Variants in TTC29 observed in about 807,000 individuals in gnomAD.
The protein encoded by TTC29 is tetratricopeptide repeat protein 29.
Under a neutral mutation model 58.1 loss-of-function variants are expected in TTC29, and 49 were observed. That is an observed-to-expected ratio of 0.84 (90% CI 0.67 to 1.07). TTC29 has a LOEUF of 1.07. Ranked by LOEUF, TTC29 falls within the 50% of genes least tolerant of loss-of-function variation. The pLI is 0.00. For missense variants in TTC29, 582 were observed against 555.6 expected (o/e 1.05, Z -0.48); for synonymous variants, 209 against 196.8 (o/e 1.06, Z -0.52).
chr4:146,748,248 C>A (rs1300250296), intron 11 of TTC29, among the ~76,000 whole-genome samples: 2 of 152,196 alleles, frequency 1.3e-5, no homozygotes, highest in East Asian at 1.9e-4. Context: ...AGAACCACAG[C>A]TAACATCCCA....
At chr4:146,842,250 A>G (rs531304450) in intron 8 of TTC29, among the ~76,000 whole-genome samples, 2 of 152,212 alleles carry the variant, frequency 1.3e-5, no homozygotes, top group East Asian at 3.9e-4. Flanking sequence ...TTTCCTAGTG[A>G]GGCTAGCCAT....
chr4:146,874,357 T>A (rs1480708898), intron 7 of TTC29, among the ~76,000 whole-genome samples: 1 of 152,250 alleles, frequency 6.6e-6, no homozygotes, highest in African/African-American at 2.4e-5. Flanking sequence ...TTACAAACAA[T>A]GAAAGGTCTC....
intron 10 of TTC29, chr4:146,813,046 C>T (rs946859338): frequency 6.6e-6 from 1 of 152,176 alleles, no homozygotes; most frequent in African/African-American, 2.4e-5. Flanking sequence ...AATTCCAGGA[C>T]AGGATCTTGA....
chr4:146,735,502 G>A (rs1256100805), intron 11 of TTC29, among the ~76,000 whole-genome samples: 1 of 152,180 alleles, frequency 6.6e-6, no homozygotes, highest in East Asian at 1.9e-4. Context: ...AAACACACAG[G>A]AGGTTATTCT....
At chr4:146,935,502 T>C (rs2150326866) in intron 4 of TTC29, among the ~76,000 whole-genome samples, 1 of 152,346 alleles carries the variant, frequency 6.6e-6, no homozygotes, top group East Asian at 1.9e-4. Context: ...TGACTACCAG[T>C]TAGATAATTT....
chr4:146,871,431 C>G (rs1579875062), intron 7 of TTC29, among the ~76,000 whole-genome samples: 1 of 151,714 alleles, frequency 6.6e-6, no homozygotes, highest in Non-Finnish European at 1.5e-5. Context: ...ATAAATTAGG[C>G]AAGAAAAGAT....
intron 8 of TTC29, among the ~76,000 whole-genome samples, chr4:146,839,535 C>CGTGTGTGTGTGT (rs5862775): frequency 2.8e-4 from 39 of 140,560 alleles, no homozygotes; most frequent in Middle Eastern, 3.6e-3. Context: ...TACATGAACT[C>CGTGTGTGTGTGT]GTGTGTGTGT....
intron 9 of TTC29, among the ~76,000 whole-genome samples, chr4:146,821,081 AAT>A (rs1314965358): frequency 3.3e-5 from 5 of 152,168 alleles, no homozygotes; most frequent in African/African-American, 1.2e-4. Flanking sequence ...GAAACTTGAA[AAT>A]ATGCTAAGTG....
rs1466068204 is a variant in TTC29 at position 146,728,838 on chromosome 4, CAT to C, written c.1331-21289_1331-21288del. Among the ~76,000 whole-genome samples the C allele has an allele frequency of 4.5e-5, 4 of 89,218 alleles. 1 individual carries two copies. Among genetic ancestry groups the C allele is most frequent in the Non-Finnish European group, 8.8e-5 (4 of 45,496 alleles). 58.5% of individuals were successfully genotyped at this position (89,218 alleles called of 152,430 possible). ...ATGTGTATATATACATATATATACA[CAT>C]ATATATGTATATATATACACATATA... On this transcript the variant is annotated intron_variant, in intron 11 of 12. Transcript: ENST00000325106.
intron 4 of TTC29, among the ~76,000 whole-genome samples, 191 bp downstream of exon 4, chr4:146,937,402 GC>G (rs1226267931): frequency 6.6e-6 from 1 of 151,902 alleles, no homozygotes; most frequent in Non-Finnish European, 1.5e-5. Context: ...AATTTTGAGA[GC>G]CATAAAATTA....
At chr4:146,911,096 C>T (rs1227162517) in intron 4 of TTC29, among the ~76,000 whole-genome samples, 1 of 152,092 alleles carries the variant, frequency 6.6e-6, no homozygotes, top group African/African-American at 2.4e-5. Flanking sequence ...TACCAACATC[C>T]CTCTCCCCAC....
intron 11 of TTC29, among the ~76,000 whole-genome samples, chr4:146,792,276 T>C (rs780582825): frequency 6.6e-6 from 1 of 152,200 alleles, no homozygotes; most frequent in African/African-American, 2.4e-5. Context: ...GACTTTGACG[T>C]TGAAGCCCAT....
intron 11 of TTC29, among the ~76,000 whole-genome samples, chr4:146,771,621 TG>T (rs1471974761): frequency 6.6e-6 from 1 of 152,162 alleles, no homozygotes; most frequent in Admixed American, 6.6e-5. Context: ...TAGTATTTCA[TG>T]GTGTATACAT....
chr4:146,803,520 T>C lies in TTC29; in HGVS notation c.1267A>G (p.Ser423Gly). ...NNYIESADLTSLNYLLSWKES... is the reference protein window; with the variant it reads ...NNYIESADLTGLNYLLSWKES... ...TTCCATGACAGCAGGTAGTTGAGGC[T>C]GGTGAGATCTGCAGACTCTATATAG... Residue 423 changes from serine (S) to glycine (G), a missense_variant, in exon 11 of 13, where the codon AGC becomes GGC. By Grantham distance (56) the Ser-to-Gly change is moderately conservative. Coordinates refer to ENST00000325106, the MANE Select transcript of TTC29 (RefSeq NM_031956.4). 6.2e-7 allele frequency: 1 copy of C among 1,601,548 alleles called. No homozygotes were observed. The highest frequency in any genetic ancestry group is 1.7e-5 in the Admixed American group (1 of 58,458).
At chr4:146,828,638 C>CA (rs945698228) in intron 9 of TTC29, among the ~76,000 whole-genome samples, 99 of 151,062 alleles carry the variant, frequency 6.6e-4, no homozygotes, top group African/African-American at 2.3e-3. Context: ...AAGAAACAAG[C>CA]AAAAAAAACT....
At chr4:146,825,947 A>G (rs1198436030) in intron 9 of TTC29, among the ~76,000 whole-genome samples, 1 of 150,212 alleles carries the variant, frequency 6.7e-6, no homozygotes, top group Non-Finnish European at 1.5e-5. Context: ...TTTTAAAAAA[A>G]TTTCCATTTG....
At chr4:146,944,202 T>C (rs1032416862) in intron 2 of TTC29, 1 of 152,434 alleles carries the variant, frequency 6.6e-6, no homozygotes, top group Non-Finnish European at 1.5e-5. Context: ...TGGGCAGTGC[T>C]ACAGTGTGGC....
chr4:146,866,212 TGA>T (rs1283681533), intron 8 of TTC29, among the ~76,000 whole-genome samples: 1 of 152,194 alleles, frequency 6.6e-6, no homozygotes, highest in Non-Finnish European at 1.5e-5. Flanking sequence ...TTGCATTACT[TGA>T]GAGAGAAAGA....
intron 6 of TTC29, among the ~76,000 whole-genome samples, chr4:146,892,722 T>C (rs28791522): frequency 0.014 from 2,151 of 152,242 alleles, 44 homozygotes; most frequent in African/African-American, 0.049. Flanking sequence ...GATATTCAAT[T>C]AGGAAAAGAG....
Sources: allele counts gnomAD v4.1 joint callset (sites outside exome capture counted in the v4.1 genomes callset), GRCh38; gene constraint gnomAD v4.1.1; transcripts MANE v1.5; gene names NCBI Gene and HGNC (gene_info 2026-07-23, HGNC 2026-07-21).